The following PON2 variants were observed in gnomAD, a reference collection of about 807,000 sequenced individuals.
PON2 encodes the protein serum paraoxonase/arylesterase 2.
In PON2, 27 loss-of-function variants were observed where a neutral mutation model predicts 36.6. The ratio of observed to expected loss-of-function variants is 0.74; its 90% CI spans 0.54 to 1.02. PON2 has a LOEUF of 1.02. PON2 is among the 50% of genes least tolerant of loss of function. The pLI, the probability that PON2 is intolerant of heterozygous loss-of-function variation, is 0.00. For missense variants in PON2, 363 were observed against 421.1 expected, an observed-to-expected ratio of 0.86 and a Z score of 1.21; for synonymous variants, 149 against 156.3, an observed-to-expected ratio of 0.95 and a Z score of 0.35.
intron 6 of PON2, among the ~76,000 whole-genome samples, chr7:95,408,112 TAA>T (rs1374112143): frequency 6.6e-6 from 1 of 152,204 alleles, no homozygotes; most frequent in Non-Finnish European, 1.5e-5. Flanking sequence ...CTTAGAATAA[TAA>T]AGTGGCAACA....
chr7:95,433,793 T>A (rs1176089581), intron 1 of PON2, among the ~76,000 whole-genome samples: 1 of 152,212 alleles, frequency 6.6e-6, no homozygotes. Flanking sequence ...CTCATATGTG[T>A]TGCACCCACC....
chr7:95,434,964 G>C lies in PON2; in HGVS notation c.-13C>G, dbSNP rs1024414526. 3 of 1,522,552 alleles carry C rather than the reference G, an allele frequency of 2.0e-6. No homozygotes were observed. Among genetic ancestry groups the C allele is most frequent in the African/African-American group, 2.9e-5 (2 of 70,108 alleles). The allele number at this position is 1,522,552 out of a possible 1,614,324, so 94.3% of individuals were successfully genotyped here. A position where few individuals can be genotyped will look rare whatever the true frequency, so the allele number is the denominator to read the frequency against. On this transcript the variant is annotated 5_prime_UTR_variant, in exon 1 of 9. Transcript: ENST00000222572. ...CCAGCCGCCCCATGGCGCGGGAGCC[G>C]GGCGCGCTGCCTCGCTCCGGCCTGG...
At chr7:95,427,829 T>C (rs1042586078) in intron 1 of PON2, among the ~76,000 whole-genome samples, 20 of 152,244 alleles carry the variant, frequency 1.3e-4, no homozygotes, top group African/African-American at 3.6e-4. Context: ...GAAATACATA[T>C]ATTTCTCTTA....
At chr7:95,432,596 A>T (rs1303847610) in intron 1 of PON2, among the ~76,000 whole-genome samples, 1 of 152,164 alleles carries the variant, frequency 6.6e-6, no homozygotes, top group Non-Finnish European at 1.5e-5. Context: ...ACTTGCAGAA[A>T]AACTGGTGGC....
At chr7:95,428,736 C>A (rs555181399) in intron 1 of PON2, among the ~76,000 whole-genome samples, 1 of 152,100 alleles carries the variant, frequency 6.6e-6, no homozygotes, top group East Asian at 1.9e-4. Context: ...TTATTTTACT[C>A]ATTTAAAAAC....
intron 1 of PON2, among the ~76,000 whole-genome samples, chr7:95,429,078 C>A (rs1226833387): frequency 4.6e-5 from 7 of 151,638 alleles, no homozygotes; most frequent in Admixed American, 4.6e-4. Context: ...TACATGTGCA[C>A]AACGTGCAGG....
intron 1 of PON2, among the ~76,000 whole-genome samples, chr7:95,431,094 C>CAGCCTGGGA (rs1184386849): frequency 6.6e-6 from 1 of 151,970 alleles, no homozygotes; most frequent in Non-Finnish European, 1.5e-5. Flanking sequence ...TACCTTGACA[C>CAGCCTGGGA]CAGGAACTGG....
At chr7:95,418,024 C>A (rs965454770) in intron 2 of PON2, among the ~76,000 whole-genome samples, 30 of 152,030 alleles carry the variant, frequency 2.0e-4, no homozygotes, top group Non-Finnish European at 3.7e-4. Context: ...ATTGTAACTT[C>A]TGTTTAACTC....
In PON2 at chr7:95,411,708, C is replaced by T. The variant is rs1788929346; in HGVS notation, c.439G>A (p.Glu147Lys). The change falls in exon 5 of 9, where the codon GAA (glutamate) becomes AAA (lysine). Residue 147 changes from glutamate (E) to lysine (K), a missense_variant. Physicochemically the swap from Glu to Lys is moderately conservative, Grantham distance 56. Coordinates refer to ENST00000222572, the MANE Select transcript of PON2 (RefSeq NM_000305.3). ...KNTVEIFKFE[E>K]AENSLLHLKT... ...AGATGCAACAGAGAATTTTCTGCTT[C>T]TTCAAATTTAAAAATTTCCACTGTA... 2 of 1,613,678 alleles carry T rather than the reference C, an allele frequency of 1.2e-6. No homozygotes were observed. Among genetic ancestry groups the T allele is most frequent in the African/African-American group, 2.7e-5 (2 of 74,896 alleles).
At chr7:95,424,042 A>T in intron 2 of PON2, 1 of 181,334 alleles carries the variant, frequency 5.5e-6, no homozygotes, top group Non-Finnish European at 1.2e-5. Context: ...GGGAACTACA[A>T]TTCAAGATGA....
intron 6 of PON2, chr7:95,409,455 G>C (rs145602696): frequency 0.011 from 1,620 of 152,398 alleles, 28 homozygotes; most frequent in African/African-American, 0.036. Context: ...CATCAATAGA[G>C]AATTGGTTAA....
intron 1 of PON2, among the ~76,000 whole-genome samples, chr7:95,430,527 C>T (rs1182910306): frequency 6.6e-6 from 1 of 151,596 alleles, no homozygotes; most frequent in Non-Finnish European, 1.5e-5. Flanking sequence ...CTTGAACTCC[C>T]GACCTCAGGT....
chr7:95,423,289 T>C (rs1360398854), intron 2 of PON2, among the ~76,000 whole-genome samples: 16 of 147,074 alleles, frequency 1.1e-4, no homozygotes, highest in African/African-American at 4.1e-4. Flanking sequence ...GCTACTGCAT[T>C]CTGGCCTGGG....
At chr7:95,405,534 A>C (rs1400175481) in intron 8 of PON2, 46 bp from the exon 9 acceptor site, 1 of 1,550,256 alleles carries the variant, frequency 6.5e-7, no homozygotes, top group Admixed American at 1.7e-5. Context: ...CCGTACATGC[A>C]TGTCACTCAA....
chr7:95,422,078 T>C (rs1789206947), intron 2 of PON2, among the ~76,000 whole-genome samples: 1 of 152,192 alleles, frequency 6.6e-6, no homozygotes, highest in African/African-American at 2.4e-5. Context: ...TCAACAGCAA[T>C]GATGTTCACT....
chr7:95,416,025 C>A (rs1789054682), intron 3 of PON2: 3 of 751,014 alleles, frequency 4.0e-6, no homozygotes, highest in Admixed American at 5.8e-5. Context: ...TAGTGCAATG[C>A]AATGGGGAAA....
At chr7:95,417,109 C>T (rs1292722826) in intron 2 of PON2, among the ~76,000 whole-genome samples, 3 of 152,168 alleles carry the variant, frequency 2.0e-5, no homozygotes, top group Admixed American at 1.3e-4. Context: ...AACCATGACA[C>T]ATTCTTTGAG....
Position 95,434,978 on chromosome 7 carries a change from G to A in PON2, c.-27C>T. 1.3e-6 allele frequency: 2 copies of A among 1,515,944 alleles called. No individual in the cohort carries two copies. Among genetic ancestry groups the A allele is most frequent in the Non-Finnish European group, 1.8e-6 (2 of 1,137,938 alleles). The allele number at this position is 1,515,944 out of a possible 1,614,324, so 93.9% of individuals were successfully genotyped here. ...GCGCGGGAGCCGGGCGCGCTGCCTC[G>A]CTCCGGCCTGGCCAGCAGCTCCGTG... On this transcript the variant is annotated 5_prime_UTR_variant, in exon 1 of 9. It introduces an in-frame stop codon into an upstream open reading frame of the 5' UTR. Coordinates refer to ENST00000222572, the MANE Select transcript of PON2 (RefSeq NM_000305.3).
chr7:95,409,458 T>G (rs1037365032), intron 6 of PON2: 1 of 152,488 alleles, frequency 6.6e-6, no homozygotes, highest in Non-Finnish European at 1.5e-5. Flanking sequence ...CAATAGAGAA[T>G]TGGTTAAATT....
Sources: allele counts gnomAD v4.1 joint callset (sites outside exome capture counted in the v4.1 genomes callset), GRCh38; gene constraint gnomAD v4.1.1; transcripts MANE v1.5; gene names NCBI Gene and HGNC (gene_info 2026-07-23, HGNC 2026-07-21).